LMO1: variants seen among roughly 807,000 people sequenced by gnomAD.
LMO1 encodes rhombotin-1.
Under a neutral mutation model 18.0 loss-of-function variants are expected in LMO1, and 10 were observed. The ratio of observed to expected loss-of-function variants is 0.55; its 90% confidence interval spans 0.34 to 0.94. The LOEUF is 0.94. LMO1 is among the 40% of genes least tolerant of loss of function. The pLI, the probability that LMO1 is intolerant of heterozygous loss-of-function variation, is 0.02. For missense variants in LMO1, 183 were observed against 205.7 expected, an observed-to-expected ratio of 0.89 and a Z score of 0.68; for synonymous variants, 77 against 77.9, an observed-to-expected ratio of 0.99 and a Z score of 0.06.
intron 1 of LMO1, among the ~76,000 whole-genome samples, chr11:8,258,424 G>A (rs1177422597): frequency 1.3e-5 from 2 of 152,182 alleles, no homozygotes; most frequent in African/African-American, 4.8e-5. Context: ...CTTCTGCTCA[G>A]ACAGCCCAGC....
chr11:8,228,578 C>T (rs1952591594), intron 2 of LMO1, among the ~76,000 whole-genome samples: 1 of 151,722 alleles, frequency 6.6e-6, no homozygotes, highest in Admixed American at 6.6e-5. Context: ...GCCTGAGCAG[C>T]TCAAGGAAGC....
rs765016680 is a variant in LMO1, at chr11:8,224,687, T to G, written c.400A>C (p.Asn134His). Residue 134 changes from asparagine (N) to histidine (H), a missense_variant, in exon 4 of 4, where the codon AAC becomes CAC. Coordinates refer to ENST00000335790, the MANE Select transcript of LMO1 (RefSeq NM_002315.3). ...CVGDKFFLKN[N>H]MILCQMDYEE... ...TAGTCCATCTGACACAAGATCATGT[T>G]GTTCTTCAGGAAGAATTTGTCTCCC... 3 of 1,609,294 alleles carry G rather than the reference T, an allele frequency of 1.9e-6. No individual in the cohort carries two copies. The highest frequency in any genetic ancestry group is 2.5e-6 in the Non-Finnish European group (3 of 1,177,720).
rs1253559924 is a variant in LMO1 at position 8,227,032 on chromosome 11, C to G, written c.308G>C (p.Arg103Pro). The G allele has an allele frequency of 4.3e-6, 7 of 1,613,776 alleles. No homozygotes were observed. The highest frequency in any genetic ancestry group is 1.1e-5 in the South Asian group (1 of 91,086). Residue 103 changes from arginine (R) to proline (P), a missense_variant, in exon 3 of 4, where the codon CGG becomes CCG. Coordinates refer to ENST00000335790, the MANE Select transcript of LMO1 (RefSeq NM_002315.3). ...KLIPAFEMVM[R>P]ARDNVYHLDC... ...GAGGTGATACACGTTGTCCCGGGCCCGCATCACCATCTCGAAGGCTGGGAT... is the reference window on the plus strand; with the variant it reads ...GAGGTGATACACGTTGTCCCGGGCCGGCATCACCATCTCGAAGGCTGGGAT...
chr11:8,225,019 G>A (rs1022839040), intron 3 of LMO1, among the ~76,000 whole-genome samples: 3 of 152,054 alleles, frequency 2.0e-5, no homozygotes, highest in Admixed American at 6.6e-5. Flanking sequence ...TAGGGTTAGG[G>A]GGGTTGGTGG....
In LMO1 at chr11:8,243,972, T is replaced by C. The variant is rs569424423; in HGVS notation, c.26-13468A>G. Among the ~76,000 whole-genome samples, 4 of 152,350 alleles carry C rather than the reference T, an allele frequency of 2.6e-5. No individual in the cohort carries two copies. In the East Asian group the frequency reaches 7.7e-4, roughly 29 times the overall value. Reference sequence around the variant, plus strand: ...GAAGCTGGTCTATGACAAGATTCTTTGAGATCACTGACTCCCTCAGCCCCA... The same window carrying C: ...GAAGCTGGTCTATGACAAGATTCTTCGAGATCACTGACTCCCTCAGCCCCA... On this transcript the variant is annotated intron_variant, in intron 1 of 3. Coordinates refer to ENST00000335790, the MANE Select transcript of LMO1 (RefSeq NM_002315.3).
chr11:8,255,894 C>T (rs930779135), intron 1 of LMO1, among the ~76,000 whole-genome samples: 10 of 132,218 alleles, frequency 7.6e-5, no homozygotes, highest in Non-Finnish European at 1.5e-4. Context: ...GGCGGGATCT[C>T]GGCTCACTGC....
upstream of LMO1, chr11:8,268,315 TGCTG>T: frequency 1.1e-6 from 1 of 876,812 alleles, no homozygotes; most frequent in Non-Finnish European, 1.6e-6. Context: ...GGCCCGCGGG[TGCTG>T]AGGGCTCTGC....
intron 2 of LMO1, among the ~76,000 whole-genome samples, chr11:8,227,370 G>A (rs576723005): frequency 2.6e-5 from 4 of 152,172 alleles, no homozygotes; most frequent in Non-Finnish European, 5.9e-5. Flanking sequence ...CCCCTCCCAG[G>A]CTCCCACAAG....
chr11:8,232,824 A>G (rs191330412), intron 1 of LMO1, among the ~76,000 whole-genome samples: 2 of 152,314 alleles, frequency 1.3e-5, no homozygotes, highest in East Asian at 1.9e-4. Flanking sequence ...GGAGACAGTG[A>G]GAGGCCCCAG....
chr11:8,263,984 C>T, upstream of LMO1: 1 of 507,200 alleles, frequency 2.0e-6, no homozygotes, highest in Non-Finnish European at 2.6e-6. Context: ...TCCGCAGCGC[C>T]ACCTGGAGGC....
chr11:8,262,110 A>G (rs1590567386), intron 1 of LMO1, among the ~76,000 whole-genome samples: 4 of 152,188 alleles, frequency 2.6e-5, no homozygotes, highest in Admixed American at 2.6e-4. Context: ...TTGCATTTTC[A>G]CCAACTGGCC....
At chr11:8,249,288 T>C (rs1846947910) in intron 1 of LMO1, among the ~76,000 whole-genome samples, 1 of 152,164 alleles carries the variant, frequency 6.6e-6, no homozygotes, top group Admixed American at 6.5e-5. Context: ...GACAGGAGTG[T>C]GGGGCCGTCT....
At chr11:8,229,281 C>G (rs1952607600) in intron 2 of LMO1, among the ~76,000 whole-genome samples, 1 of 152,208 alleles carries the variant, frequency 6.6e-6, no homozygotes, top group Admixed American at 6.5e-5. Context: ...TTTACTGCAT[C>G]ACTTTTAAAT....
At chr11:8,235,297 C>G (rs12279972) in intron 1 of LMO1, among the ~76,000 whole-genome samples, 4,981 of 152,214 alleles carry the variant, frequency 0.033, 118 homozygotes, top group Middle Eastern at 0.061. Flanking sequence ...AACATTTTAC[C>G]ACATTTGATT....
chr11:8,228,746 G>T (rs2134517076), intron 2 of LMO1, among the ~76,000 whole-genome samples: 1 of 151,924 alleles, frequency 6.6e-6, no homozygotes, highest in East Asian at 1.9e-4. Flanking sequence ...ATCCTACACT[G>T]TGGGCCTCTC....
At chr11:8,225,441 TG>T (rs1320275607) in intron 3 of LMO1, among the ~76,000 whole-genome samples, 3 of 128,886 alleles carry the variant, frequency 2.3e-5, no homozygotes, top group African/African-American at 5.8e-5. Context: ...AAGGCAGAGA[TG>T]GGTAAGGAAG....
chr11:8,245,475 C>T (rs1846878796), intron 1 of LMO1, among the ~76,000 whole-genome samples: 1 of 152,136 alleles, frequency 6.6e-6, no homozygotes, highest in African/African-American at 2.4e-5. Flanking sequence ...CTTTGCTATC[C>T]TTGATATGCT....
At chr11:8,248,855 C>G (rs1039274186) in intron 1 of LMO1, among the ~76,000 whole-genome samples, 1 of 152,194 alleles carries the variant, frequency 6.6e-6, no homozygotes, top group African/African-American at 2.4e-5. Context: ...GCCTCAGGCC[C>G]ACAGTCTTTG....
At chr11:8,255,304 C>A (rs927013055) in intron 1 of LMO1, among the ~76,000 whole-genome samples, 1 of 152,144 alleles carries the variant, frequency 6.6e-6, no homozygotes, top group Non-Finnish European at 1.5e-5. Context: ...CCCAGGAGTT[C>A]AAGACCAGTC....
Sources: gnomAD v4.1 joint callset for allele counts (sites outside exome capture counted in the v4.1 genomes callset) on GRCh38, gnomAD v4.1.1 for gene constraint, MANE v1.5 for transcripts, NCBI Gene and HGNC (gene_info 2026-07-23, HGNC 2026-07-21) for gene names.